GPR89A: variants seen among roughly 807,000 people sequenced by gnomAD.
GPR89A encodes golgi pH regulator A.
In GPR89A, 16 loss-of-function variants were observed where a neutral mutation model predicts 52.0. The observed-to-expected ratio is 0.31, with a 90% CI of 0.21 to 0.47. The LOEUF (loss-of-function observed/expected upper bound fraction) is 0.47, where lower values mean the gene tolerates loss of function less well. Among genes scored for constraint, GPR89A ranks in the 20% least tolerant of loss-of-function variants. The pLI is 1.00. For missense variants in GPR89A, 135 were observed against 449.4 expected (o/e 0.30, Z 6.33); for synonymous variants, 55 against 150.9 (o/e 0.36, Z 4.66).
At chr1:145,667,175 T>G (rs1331942336) in intron 12 of GPR89A, among the ~76,000 whole-genome samples, 4 of 152,168 alleles carry the variant, frequency 2.6e-5, no homozygotes, top group Non-Finnish European at 5.9e-5. Context: ...CCTTCCACAA[T>G]GGTTGAACTA....
intron 10 of GPR89A, among the ~76,000 whole-genome samples, chr1:145,658,432 C>T (rs587653038): frequency 2.0e-5 from 3 of 151,298 alleles, no homozygotes; most frequent in Admixed American, 2.0e-4. Flanking sequence ...AAGGGAAACC[C>T]CATTCTTTAC....
intron 5 of GPR89A, among the ~76,000 whole-genome samples, chr1:145,626,100 G>A (rs1553688986): frequency 6.6e-6 from 1 of 150,630 alleles, no homozygotes; most frequent in Non-Finnish European, 1.5e-5. Context: ...GGAACGACTT[G>A]CACTAAAGAG....
rs1228484353 is a variant in GPR89A at position 145,609,141 on chromosome 1, T to TTG, written c.42+977_42+978dup. 2.6e-5 allele frequency among the ~76,000 whole-genome samples: 4 copies of TTG among 152,274 alleles called. No individual in the cohort carries two copies. The East Asian group carries it at 7.7e-4, about 29-fold the overall frequency. ...TCCCCCCATCTTTCCAATAAAGATT[T>TTG]TGTGTGTGTGTGGTTGTTTTTACTT... On this transcript the variant is annotated intron_variant, in intron 1 of 13. Coordinates refer to ENST00000313835, the MANE Select transcript of GPR89A (RefSeq NM_001097612.2).
chr1:145,613,868 C>T lies in GPR89A; in HGVS notation c.43-2366C>T, dbSNP rs587738220. Among the ~76,000 whole-genome samples the T allele has an allele frequency of 2.7e-3, 412 of 151,932 alleles. 2 individuals are homozygous for T. The highest frequency in any genetic ancestry group is 8.8e-3 in the African/African-American group (366 of 41,400). On this transcript the variant is annotated intron_variant, in intron 1 of 13. Transcript: ENST00000313835. ...GTGACATGCTCACAGCTCACTATAA[C>T]GTCTACCTGCCAGGCTCAAGTGGCC...
intron 10 of GPR89A, 116 bp from the exon 11 acceptor site, chr1:145,663,213 T>G: frequency 6.4e-6 from 10 of 1,568,248 alleles, no homozygotes; most frequent in Non-Finnish European, 8.7e-6. Context: ...AATTGCATTT[T>G]TAGGAACATT....
At chr1:145,618,043 A>C (rs1648846177) in intron 2 of GPR89A, among the ~76,000 whole-genome samples, 1 of 148,648 alleles carries the variant, frequency 6.7e-6, no homozygotes, top group South Asian at 2.2e-4. Flanking sequence ...AGTATGCATC[A>C]GGAATTCTAA....
chr1:145,636,435 G>A (rs1421556186), intron 7 of GPR89A, among the ~76,000 whole-genome samples: 1 of 148,808 alleles, frequency 6.7e-6, no homozygotes, highest in African/African-American at 2.5e-5. Flanking sequence ...GAGGGCCATA[G>A]TGAGATGACA....
intron 1 of GPR89A, chr1:145,608,692 A>G (rs1553685533): frequency 5.5e-6 from 5 of 914,872 alleles, no homozygotes; most frequent in African/African-American, 1.8e-5. Flanking sequence ...CCTGTGCTTG[A>G]AAGTATAAGG....
intron 5 of GPR89A, among the ~76,000 whole-genome samples, chr1:145,626,101 C>G (rs1553688988): frequency 1.3e-5 from 2 of 150,672 alleles, no homozygotes. Context: ...GAACGACTTG[C>G]ACTAAAGAGT....
intron 3 of GPR89A, 143 bp from the exon 4 acceptor site, chr1:145,622,911 G>T: frequency 7.8e-7 from 1 of 1,279,022 alleles, no homozygotes; most frequent in Non-Finnish European, 1.1e-6. Context: ...CAAATGAGTA[G>T]ATTTTAAGAG....
At chr1:145,614,080 C>T (rs1308432144) in intron 1 of GPR89A, among the ~76,000 whole-genome samples, 1 of 152,094 alleles carries the variant, frequency 6.6e-6, no homozygotes, top group East Asian at 1.9e-4. Context: ...AGCCTCCCTA[C>T]TTGATTCTTA....
At chr1:145,617,928 TTAAGACCTC>T (rs1290671177) in intron 2 of GPR89A, among the ~76,000 whole-genome samples, 1 of 151,568 alleles carries the variant, frequency 6.6e-6, no homozygotes, top group Non-Finnish European at 1.5e-5. Flanking sequence ...GCCCAATACT[TTAAGACCTC>T]CCGAGGAAGG....
intron 10 of GPR89A, among the ~76,000 whole-genome samples, chr1:145,658,563 A>C (rs1651971606): frequency 1.4e-5 from 2 of 147,720 alleles, no homozygotes; most frequent in African/African-American, 5.0e-5. Flanking sequence ...TGGGAAGTTG[A>C]AGCTGCAGTG....
chr1:145,655,291 T>G (rs1231584891), intron 10 of GPR89A, among the ~76,000 whole-genome samples: 4 of 152,126 alleles, frequency 2.6e-5, no homozygotes, highest in African/African-American at 9.7e-5. Flanking sequence ...TAAAGCCTAC[T>G]TCTGTCAGTG....
intron 11 of GPR89A, among the ~76,000 whole-genome samples, chr1:145,664,921 G>A (rs1652456738): frequency 6.6e-6 from 1 of 150,496 alleles, no homozygotes; most frequent in Admixed American, 6.8e-5. Flanking sequence ...TTCTCACTAT[G>A]AAGCAATACA....
chr1:145,667,705 G>A (rs782478723), intron 12 of GPR89A, among the ~76,000 whole-genome samples: 19 of 151,768 alleles, frequency 1.3e-4, no homozygotes, highest in Non-Finnish European at 4.4e-5. Context: ...ATGGTTTTAG[G>A]TCTAACATTT....
intron 12 of GPR89A, among the ~76,000 whole-genome samples, chr1:145,667,354 T>C (rs1188176944): frequency 6.6e-6 from 1 of 152,234 alleles, no homozygotes; most frequent in Non-Finnish European, 1.5e-5. Flanking sequence ...CAGCATTTTT[T>C]CATGTGTCTG....
chr1:145,646,076 T>C (rs1482743201), intron 8 of GPR89A, 108 bp from the exon 9 acceptor site: 5 of 1,549,492 alleles, frequency 3.2e-6, no homozygotes, highest in East Asian at 2.2e-5. Flanking sequence ...ATTGAGAATA[T>C]AGGCAACTCC....
At chr1:145,625,774 GAGATATTA>G (rs1649451865) in intron 5 of GPR89A, among the ~76,000 whole-genome samples, 2 of 148,506 alleles carry the variant, frequency 1.3e-5, no homozygotes, top group East Asian at 4.0e-4. Flanking sequence ...CCATCATTAG[GAGATATTA>G]ATTGCTACCA....
Sources: allele counts gnomAD v4.1 joint callset (sites outside exome capture counted in the v4.1 genomes callset), GRCh38; gene constraint gnomAD v4.1.1; transcripts MANE v1.5; gene names NCBI Gene and HGNC (gene_info 2026-07-23, HGNC 2026-07-21).